BCAS4: variants seen among roughly 807,000 people sequenced by gnomAD.
BCAS4 encodes breast carcinoma-amplified sequence 4.
BCAS4 carries 9 observed loss-of-function variants against 15.7 expected under a neutral mutation model. The ratio of observed to expected loss-of-function variants is 0.57; its 90% confidence interval spans 0.34 to 1.00. BCAS4 has a LOEUF of 1.00. Ranked by LOEUF, BCAS4 falls within the 50% of genes least tolerant of loss-of-function variation. The pLI is 0.02. For synonymous variants in BCAS4, 101 were observed against 99.5 expected, an observed-to-expected ratio of 1.02 and a Z score of -0.09; for missense variants, 225 against 239.1, an observed-to-expected ratio of 0.94 and a Z score of 0.39.
intron 3 of BCAS4, among the ~76,000 whole-genome samples, chr20:50,832,397 A>G (rs1224125089): frequency 6.6e-6 from 1 of 151,898 alleles, no homozygotes; most frequent in Non-Finnish European, 1.5e-5. Flanking sequence ...AGCTGGGATT[A>G]TAGGTGCTTT....
intron 1 of BCAS4, among the ~76,000 whole-genome samples, chr20:50,796,929 C>A (rs1312473983): frequency 6.6e-6 from 1 of 151,846 alleles, no homozygotes; most frequent in Non-Finnish European, 1.5e-5. Flanking sequence ...CTCCTGGGCT[C>A]AAGTGATCCT....
intron 4 of BCAS4, 66 bp downstream of exon 4, chr20:50,841,966 G>A: frequency 6.7e-7 from 1 of 1,487,178 alleles, no homozygotes; most frequent in Non-Finnish European, 9.0e-7. Context: ...ACCCCAGCGT[G>A]GGGAGGAGCA....
chr20:50,821,993 G>A (rs1281714286), intron 2 of BCAS4, among the ~76,000 whole-genome samples: 1 of 152,154 alleles, frequency 6.6e-6, no homozygotes, highest in Non-Finnish European at 1.5e-5. Context: ...ATCTATTGCT[G>A]TGTCAAACTA....
chr20:50,796,475 ATATATATATATATTTTTTTTTT>A (rs2087861790), intron 1 of BCAS4, among the ~76,000 whole-genome samples: 1 of 12,410 alleles, frequency 8.1e-5, no homozygotes, highest in African/African-American at 3.3e-4. Flanking sequence ...ATATATATAT[ATATATATATATATTTTTTTTTT>A]TTTTTTTTTT....
At chr20:50,864,913 G>C (rs1489337719) in intron 4 of BCAS4, among the ~76,000 whole-genome samples, 1 of 151,302 alleles carries the variant, frequency 6.6e-6, no homozygotes, top group African/African-American at 2.4e-5. Flanking sequence ...AGCCAACATG[G>C]TGAAACCCCG....
At chr20:50,881,330 A>C (rs1980113512), downstream of BCAS4, 1 of 152,210 alleles carries the variant, frequency 6.6e-6, no homozygotes, top group Non-Finnish European at 1.5e-5. Flanking sequence ...TGATTATATA[A>C]AATTTTTAAA....
At chr20:50,832,571 A>G (rs2088357310) in intron 3 of BCAS4, 1 of 152,132 alleles carries the variant, frequency 6.6e-6, no homozygotes, top group South Asian at 2.1e-4. Flanking sequence ...ACACACATTT[A>G]TTATCTTATA....
chr20:50,796,951 C>T (rs2087873130), intron 1 of BCAS4, among the ~76,000 whole-genome samples: 1 of 152,046 alleles, frequency 6.6e-6, no homozygotes. Flanking sequence ...CCACCTCAGC[C>T]TCCCGCATAG....
chr20:50,868,422 T>C (rs1432561218), intron 4 of BCAS4, among the ~76,000 whole-genome samples: 1 of 152,234 alleles, frequency 6.6e-6, no homozygotes, highest in Admixed American at 6.5e-5. Context: ...TGGGTGATCC[T>C]TTCTTTCTTT....
chr20:50,852,271 GC>G (rs1978473586), intron 4 of BCAS4, among the ~76,000 whole-genome samples: 1 of 152,190 alleles, frequency 6.6e-6, no homozygotes, highest in African/African-American at 2.4e-5. Flanking sequence ...ATGCAGAGAG[GC>G]CAGGTTGGGG....
chr20:50,859,224 G>GA (rs1978938551), intron 4 of BCAS4, among the ~76,000 whole-genome samples: 1 of 152,154 alleles, frequency 6.6e-6, no homozygotes, highest in Non-Finnish European at 1.5e-5. Context: ...TTACAGGCTT[G>GA]AGCGACCACG....
intron 1 of BCAS4, among the ~76,000 whole-genome samples, chr20:50,817,287 C>G (rs1451039769): frequency 2.0e-5 from 3 of 152,148 alleles, no homozygotes; most frequent in Non-Finnish European, 4.4e-5. Flanking sequence ...TGTCAGAGTC[C>G]CTTTCCCAAC....
In BCAS4 at chr20:50,867,866, A is replaced by G. The variant is rs111672706; in HGVS notation, c.400-8620A>G. Among the ~76,000 whole-genome samples, 264 of 152,282 alleles carry G rather than the reference A, an allele frequency of 1.7e-3. 1 individual carries two copies. The highest frequency in any genetic ancestry group is 6.1e-3 in the African/African-American group (254 of 41,558). On this transcript the variant is annotated intron_variant, in intron 4 of 4. Coordinates refer to ENST00000371608, the MANE Select transcript of BCAS4 (RefSeq NM_198799.4). ...GAGGCAGAGGTTGCAGCAAGCCAAG[A>G]TCATGCCACTGCACCCCAGCCTGGA...
intron 1 of BCAS4, among the ~76,000 whole-genome samples, chr20:50,804,332 C>T (rs1232941206): frequency 2.0e-5 from 3 of 152,128 alleles, no homozygotes; most frequent in Non-Finnish European, 4.4e-5. Context: ...AGCCACTGCA[C>T]CCGGCCTCAT....
intron 1 of BCAS4, among the ~76,000 whole-genome samples, chr20:50,814,529 C>A (rs759002500): frequency 3.3e-5 from 5 of 152,266 alleles, no homozygotes; most frequent in Non-Finnish European, 5.9e-5. Flanking sequence ...AAGCGATCCT[C>A]TGGCCTCAGC....
intron 1 of BCAS4, among the ~76,000 whole-genome samples, chr20:50,805,397 GTTT>G (rs2013741764): frequency 6.6e-6 from 1 of 152,212 alleles, no homozygotes; most frequent in Admixed American, 6.5e-5. Flanking sequence ...CTGTCATAGT[GTTT>G]TTTAACTTAT....
intron 1 of BCAS4, among the ~76,000 whole-genome samples, chr20:50,806,200 A>T (rs2087987617): frequency 6.6e-6 from 1 of 152,112 alleles, no homozygotes; most frequent in South Asian, 2.1e-4. Flanking sequence ...GAGTCTGTGG[A>T]TTGTTTTTCT....
intron 1 of BCAS4, among the ~76,000 whole-genome samples, chr20:50,801,281 T>C (rs989127476): frequency 6.6e-6 from 1 of 151,980 alleles, no homozygotes; most frequent in African/African-American, 2.4e-5. Context: ...ACAAAATTAG[T>C]TGTGCGTAGT....
intron 4 of BCAS4, among the ~76,000 whole-genome samples, chr20:50,857,424 C>A (rs1978823692): frequency 6.6e-6 from 1 of 152,242 alleles, no homozygotes; most frequent in Non-Finnish European, 1.5e-5. Context: ...AGCCACCTCA[C>A]CCAGCTGAAC....
Sources: gnomAD v4.1 joint callset for allele counts (sites outside exome capture counted in the v4.1 genomes callset) on GRCh38, gnomAD v4.1.1 for gene constraint, MANE v1.5 for transcripts, NCBI Gene and HGNC (gene_info 2026-07-23, HGNC 2026-07-21) for gene names.